Variants in KALRN observed in about 807,000 individuals in gnomAD.
KALRN encodes the protein kalirin RhoGEF kinase.
Under a neutral mutation model 353.7 loss-of-function variants are expected in KALRN, and 70 were observed. That is an observed-to-expected ratio of 0.20 (90% CI 0.16 to 0.24). The LOEUF (loss-of-function observed/expected upper bound fraction) is 0.24, where lower values mean the gene tolerates loss of function less well. Ranked by LOEUF, KALRN falls within the 10% of genes least tolerant of loss-of-function variation. KALRN has a pLI of 1.00. For missense variants in KALRN, 2,791 were observed against 3,756.7 expected (o/e 0.74, Z 6.72); for synonymous variants, 1,391 against 1,434.8 (o/e 0.97, Z 0.69).
At position 124,527,542 on chromosome 3, in the gene KALRN, G is replaced by A. The variant is rs146085366; in HGVS notation, c.4935+31129G>A. ...GAGAATCGCTTGAAACCAGGAGGCA[G>A]AGGTTGCAGTGAGCCGAGATTGTGC... On this transcript the variant is annotated intron_variant, in intron 33 of 59. Coordinates refer to ENST00000682506, the MANE Select transcript of KALRN (RefSeq NM_001388419.1). Among the ~76,000 whole-genome samples the A allele has an allele frequency of 6.6e-3, 1,000 of 152,040 alleles. 10 individuals are homozygous for A. Among genetic ancestry groups the A allele is most frequent in the African/African-American group, 0.023 (938 of 41,472 alleles).
chr3:124,262,843 T>C (rs189020091), intron 3 of KALRN, among the ~76,000 whole-genome samples: 5 of 152,352 alleles, frequency 3.3e-5, no homozygotes, highest in Admixed American at 2.0e-4. Flanking sequence ...GGCACATATG[T>C]GGGTCAGGTA....
At chr3:124,483,096 A>G (rs2062157607) in intron 28 of KALRN, among the ~76,000 whole-genome samples, 196 bp downstream of exon 28, 1 of 152,220 alleles carries the variant, frequency 6.6e-6, no homozygotes, top group African/African-American at 2.4e-5. Context: ...GAAGGGGGAG[A>G]AAAGGGAGCA....
intron 1 of KALRN, among the ~76,000 whole-genome samples, chr3:124,185,520 G>A (rs927195726): frequency 1.3e-5 from 2 of 152,178 alleles, no homozygotes; most frequent in African/African-American, 4.8e-5. Flanking sequence ...CTTCTGTGCT[G>A]GATTGTATCC....
At chr3:124,134,554 A>G (rs2065697078) in intron 1 of KALRN, among the ~76,000 whole-genome samples, 1 of 152,246 alleles carries the variant, frequency 6.6e-6, no homozygotes, top group Non-Finnish European at 1.5e-5. Context: ...GAGCTTTTGC[A>G]TGGCAAAAGG....
At chr3:124,184,669 T>G (rs926089867) in intron 1 of KALRN, among the ~76,000 whole-genome samples, 1 of 152,220 alleles carries the variant, frequency 6.6e-6, no homozygotes, top group African/African-American at 2.4e-5. Context: ...TAGATCTAAA[T>G]TGTAGCACTT....
chr3:124,492,515 C>T (rs1213574276), intron 31 of KALRN, among the ~76,000 whole-genome samples: 5 of 152,134 alleles, frequency 3.3e-5, no homozygotes, highest in Non-Finnish European at 5.9e-5. Flanking sequence ...CAGTTACTCC[C>T]GTACAAGTAA....
intron 1 of KALRN, among the ~76,000 whole-genome samples, chr3:124,050,993 A>G (rs1459683168): frequency 1.3e-5 from 2 of 152,250 alleles, no homozygotes; most frequent in African/African-American, 4.8e-5. Flanking sequence ...AGTACATTAT[A>G]TTTTAAAAAG....
At chr3:124,284,616 T>A (rs2075655806) in intron 5 of KALRN, among the ~76,000 whole-genome samples, 1 of 152,156 alleles carries the variant, frequency 6.6e-6, no homozygotes, top group South Asian at 2.1e-4. Context: ...AATGTGTTTG[T>A]CCCCCTCACT....
At chr3:124,165,874 C>A (rs188060084) in intron 1 of KALRN, among the ~76,000 whole-genome samples, 11 of 152,294 alleles carry the variant, frequency 7.2e-5, no homozygotes, top group African/African-American at 2.6e-4. Context: ...CTCCCTGAAC[C>A]ATGGCCTCTT....
intron 27 of KALRN, among the ~76,000 whole-genome samples, chr3:124,481,489 G>A (rs1250398941): frequency 6.6e-6 from 1 of 152,186 alleles, no homozygotes; most frequent in Non-Finnish European, 1.5e-5. Flanking sequence ...TTACAGGCGT[G>A]AGCCACCATG....
chr3:124,197,907 C>T (rs2075596688), intron 1 of KALRN, among the ~76,000 whole-genome samples: 1 of 152,178 alleles, frequency 6.6e-6, no homozygotes. Context: ...CCGATGGTTT[C>T]CACCAGAATG....
chr3:124,347,039 G>A (rs1447308485), intron 9 of KALRN, 104 bp from the exon 10 acceptor site: 3 of 1,533,440 alleles, frequency 2.0e-6, no homozygotes, highest in Non-Finnish European at 2.7e-6. Flanking sequence ...CTTTACAACT[G>A]GGATGGGATA....
intron 10 of KALRN, among the ~76,000 whole-genome samples, chr3:124,377,431 T>C (rs2086740128): frequency 6.6e-6 from 1 of 152,166 alleles, no homozygotes; most frequent in African/African-American, 2.4e-5. Context: ...GACTTGCATC[T>C]CTTTAACTTT....
chr3:124,364,668 G>A (rs1282608044), intron 10 of KALRN, among the ~76,000 whole-genome samples: 1 of 152,144 alleles, frequency 6.6e-6, no homozygotes, highest in Non-Finnish European at 1.5e-5. Context: ...TTTGAGAAGT[G>A]TGTGCAGATG....
At chr3:124,048,331 A>C (rs910951886) in intron 1 of KALRN, among the ~76,000 whole-genome samples, 6 of 152,214 alleles carry the variant, frequency 3.9e-5, no homozygotes, top group African/African-American at 9.6e-5. Context: ...CAACATATAC[A>C]TGCATGCACC....
intron 13 of KALRN, among the ~76,000 whole-genome samples, chr3:124,409,317 C>G (rs532058534): frequency 3.3e-5 from 5 of 152,336 alleles, no homozygotes; most frequent in African/African-American, 1.2e-4. Context: ...TGAACAAATT[C>G]TCTCCAGATG....
At chr3:124,574,789 G>C (rs952833344) in intron 34 of KALRN, among the ~76,000 whole-genome samples, 4 of 152,228 alleles carry the variant, frequency 2.6e-5, no homozygotes, top group African/African-American at 9.6e-5. Flanking sequence ...CAAGGCAATG[G>C]TCTGGACAAT....
chr3:124,441,899 C>T (rs1331181968), intron 18 of KALRN, 46 bp from the exon 19 acceptor site: 1 of 1,235,918 alleles, frequency 8.1e-7, no homozygotes, highest in African/African-American at 1.5e-5. Context: ...GTCTTGGATT[C>T]CATACACCTG....
chr3:124,091,836 C>T (rs1445702558), intron 1 of KALRN, among the ~76,000 whole-genome samples: 3 of 152,224 alleles, frequency 2.0e-5, no homozygotes, highest in African/African-American at 7.2e-5. Context: ...CAAAAACCTA[C>T]TAATAAGGCT....
Sources: gnomAD v4.1 joint callset for allele counts (sites outside exome capture counted in the v4.1 genomes callset) on GRCh38, gnomAD v4.1.1 for gene constraint, MANE v1.5 for transcripts, NCBI Gene and HGNC (gene_info 2026-07-23, HGNC 2026-07-21) for gene names.